Variants in LETMD1 observed in about 807,000 individuals in gnomAD.
LETMD1 encodes LETM1 domain-containing protein 1.
Under a neutral mutation model 43.9 loss-of-function variants are expected in LETMD1, and 30 were observed. That is an observed-to-expected ratio of 0.68 (90% CI 0.51 to 0.93). LETMD1 has a LOEUF of 0.93. Among genes scored for constraint, LETMD1 ranks in the 40% least tolerant of loss-of-function variants. The pLI is 0.00. For synonymous variants in LETMD1, 176 were observed against 163.1 expected, an observed-to-expected ratio of 1.08 and a Z score of -0.60; for missense variants, 413 against 447.7, an observed-to-expected ratio of 0.92 and a Z score of 0.70.
rs371046020 is a variant in LETMD1 at position 51,052,217 on chromosome 12, A to G, written c.390+10A>G. 25 of 1,613,220 alleles carry G rather than the reference A, an allele frequency of 1.5e-5. No homozygotes were observed. Among genetic ancestry groups the G allele is most frequent in the Middle Eastern group, 3.3e-4 (2 of 6,080 alleles). ...GGAGCATTTGAGACAGGTATGGGCCAGGGGCAGATATCCAGAAGTTCATGG... is the reference window on the plus strand; with the variant it reads ...GGAGCATTTGAGACAGGTATGGGCCGGGGGCAGATATCCAGAAGTTCATGG... On this transcript the variant is annotated intron_variant, in intron 3 of 8. Coordinates refer to ENST00000262055, the MANE Select transcript of LETMD1 (RefSeq NM_015416.5).
chr12:51,050,073 TATC>T (rs1945558353), intron 2 of LETMD1, among the ~76,000 whole-genome samples: 1 of 152,196 alleles, frequency 6.6e-6, no homozygotes, highest in African/African-American at 2.4e-5. Flanking sequence ...ATCTGAACAT[TATC>T]ATAATTATTA....
Position 51,060,231 on chromosome 12 carries a change from A to G in LETMD1, c.*800A>G, listed in dbSNP as rs1351952950. 6.5e-6 allele frequency: 1 copy of G among 152,716 alleles called. No homozygotes were observed. Among genetic ancestry groups the G allele is most frequent in the East Asian group, 1.9e-4 (1 of 5,198 alleles). The allele number at this position is 152,716 out of a possible 1,614,324, so 9.5% of individuals were successfully genotyped here. On this transcript the variant is annotated 3_prime_UTR_variant, in exon 9 of 9. Transcript: ENST00000262055. ...TGACAGTGGCTGCCTTCTCTGGGCC[A>G]TGGATCACACCTGTAAGGTACTAAT...
downstream of LETMD1, chr12:51,063,606 C>T (rs142747009): frequency 3.6e-4 from 236 of 656,082 alleles, no homozygotes; most frequent in African/African-American, 3.9e-3. Context: ...CTCAAACAAT[C>T]CTTTCCCACC....
chr12:51,067,369 T>C, the LETMD1 span, among the ~76,000 whole-genome samples: 1 of 152,022 alleles, frequency 6.6e-6, no homozygotes, highest in African/African-American at 2.4e-5. The surrounding 1 kb of genome is among the most constrained non-coding windows in gnomAD (Gnocchi z 4.1). Flanking sequence ...AGAGACAGGG[T>C]CTCACTCTGT....
chr12:51,063,934 C>G, downstream of LETMD1: 1 of 1,613,500 alleles, frequency 6.2e-7, no homozygotes, highest in Non-Finnish European at 8.5e-7. Context: ...AATAGAGCTT[C>G]TAGGGTGGGT....
chr12:51,064,430 G>A (rs763173821), downstream of LETMD1: 3 of 1,611,886 alleles, frequency 1.9e-6, no homozygotes, highest in Non-Finnish European at 2.5e-6. Flanking sequence ...TCTCAGCAAT[G>A]AACTCCTGGA....
intron 8 of LETMD1, 194 bp downstream of exon 8, chr12:51,058,322 T>C (rs1422496756): frequency 1.7e-6 from 1 of 596,190 alleles, no homozygotes; most frequent in Non-Finnish European, 3.0e-6. Flanking sequence ...GAGGGAGTAG[T>C]GGGGACTGTG....
In LETMD1 at chr12:51,048,905, T is replaced by C. The variant is rs1488554240; in HGVS notation, c.123-129T>C. 7.8e-6 allele frequency: 7 copies of C among 894,800 alleles called. No individual in the cohort carries two copies. In the East Asian group the frequency reaches 1.5e-4, roughly 19 times the overall value. 55.4% of individuals were successfully genotyped at this position (894,800 alleles called of 1,614,324 possible). ...CCTATCTCTTCTTGACCCCAAGACC[T>C]TCCTTGGATTTCAGAAGTGTCAAGC... On this transcript the variant is annotated intron_variant, in intron 1 of 8. Transcript: ENST00000262055.
In LETMD1 at chr12:51,055,836, T is replaced by TC. The variant is rs770645685; in HGVS notation, c.475_476insC (p.Tyr159SerfsTer20). ...GTTTGTGATTCTTTCTCCTTTCAGG[T>TC]ACCTGTTTCCCAGGCAACTACTGAT... On this transcript the variant is annotated frameshift_variant and splice_region_variant, in exon 5 of 9. Transcript: ENST00000262055. LOFTEE classifies it high-confidence loss of function. 3.0e-5 allele frequency: 48 copies of TC among 1,594,704 alleles called. No individual in the cohort carries two copies. The highest frequency in any genetic ancestry group is 1.9e-4 in the Admixed American group (11 of 56,482).
intron 1 of LETMD1, chr12:51,048,833 A>C (rs7972608): frequency 0.92 from 559,719 of 607,334 alleles, 258,560 homozygotes; most frequent in East Asian, 0.98. Flanking sequence ...ACCCTGAGTT[A>C]CTTTCCTGCC....
At chr12:51,051,561 G>T (rs1490965766) in intron 2 of LETMD1, among the ~76,000 whole-genome samples, 1 of 151,972 alleles carries the variant, frequency 6.6e-6, no homozygotes, top group Admixed American at 6.6e-5. Context: ...GCAAAAATTA[G>T]CCAGGCATGG....
downstream of LETMD1, chr12:51,064,247 G>A (rs192679086): frequency 5.0e-6 from 8 of 1,613,382 alleles, 1 homozygote; most frequent in East Asian, 1.6e-4. Context: ...TGAGAATGGG[G>A]GCTGTAAGGC....
At chr12:51,068,009 C>T in the LETMD1 span, 8 of 1,581,682 alleles carry the variant, frequency 5.1e-6, no homozygotes, top group African/African-American at 8.1e-5. Flanking sequence ...TAGACATGAG[C>T]GGCATGCACC....
downstream of LETMD1, chr12:51,064,586 C>G: frequency 6.2e-7 from 1 of 1,600,848 alleles, no homozygotes; most frequent in Non-Finnish European, 8.5e-7. Flanking sequence ...GAGTCCGGAC[C>G]CGGATTGGAT....
chr12:51,048,297 AC>A, upstream of LETMD1: 1 of 1,612,076 alleles, frequency 6.2e-7, no homozygotes, highest in Non-Finnish European at 8.5e-7. Flanking sequence ...AACGAACGCG[AC>A]GTACGGTTAA....
At chr12:51,052,311 T>G in intron 3 of LETMD1, 104 bp downstream of exon 3, 1 of 1,383,836 alleles carries the variant, frequency 7.2e-7, no homozygotes, top group Non-Finnish European at 9.8e-7. Context: ...TTGATCAAGC[T>G]TTTGCCCTTT....
At chr12:51,055,754 A>C in intron 4 of LETMD1, 81 bp from the exon 5 acceptor site, 1 of 885,212 alleles carries the variant, frequency 1.1e-6, no homozygotes, top group East Asian at 2.5e-5. Context: ...CCTAGTATTC[A>C]TGTCTACCAA....
rs751563501 is a variant in LETMD1, at chr12:51,052,219, G to A, written c.390+12G>A. 22 of 1,613,182 alleles carry A rather than the reference G, an allele frequency of 1.4e-5. No individual in the cohort carries two copies. The highest frequency in any genetic ancestry group is 3.3e-5 in the Admixed American group (2 of 59,836). The stretch of plus-strand genomic sequence containing the variant: ...AGCATTTGAGACAGGTATGGGCCAG[G>A]GGCAGATATCCAGAAGTTCATGGTG... On this transcript the variant is annotated intron_variant, in intron 3 of 8. Coordinates refer to ENST00000262055, the MANE Select transcript of LETMD1 (RefSeq NM_015416.5).
At position 51,048,427 on chromosome 12, in the gene LETMD1, T is replaced by C. The variant is rs1265693922; in HGVS notation, c.71T>C (p.Val24Ala). 6.2e-7 allele frequency: 1 copy of C among 1,613,628 alleles called. No individual in the cohort carries two copies. Among genetic ancestry groups the C allele is most frequent in the Non-Finnish European group, 8.5e-7 (1 of 1,179,842 alleles). The part of the protein sequence containing the change: ...WGSAVTPGHF[V>A]TRRLQLGRSG... ...TCGGCAGTCACCCCTGGACATTTTG[T>C]CACCCGGAGGCTGCAACTTGGTCGC... is the stretch of plus-strand genomic sequence containing the variant. Residue 24 changes from valine to alanine, a missense_variant, in exon 1 of 9, where the codon GTC becomes GCC. Transcript: ENST00000262055.
Sources: gnomAD v4.1 joint callset for allele counts (sites outside exome capture counted in the v4.1 genomes callset) on GRCh38, gnomAD v4.1.1 for gene constraint, Gnocchi (gnomAD v3.1) non-coding constraint, MANE v1.5 for transcripts, NCBI Gene and HGNC (gene_info 2026-07-23, HGNC 2026-07-21) for gene names.